Variants in PRRT3 observed in about 807,000 individuals in gnomAD.
PRRT3 encodes the protein proline-rich transmembrane protein 3.
In PRRT3, 48 loss-of-function variants were observed where a neutral mutation model predicts 56.6. The ratio of observed to expected loss-of-function variants is 0.85; its 90% CI spans 0.67 to 1.08. PRRT3 has a LOEUF of 1.08. Among genes scored for constraint, PRRT3 ranks in the 50% least tolerant of loss-of-function variants. The pLI, the probability that PRRT3 is intolerant of heterozygous loss-of-function variation, is 0.00. For synonymous variants in PRRT3, 641 were observed against 619.1 expected, an observed-to-expected ratio of 1.04 and a Z score of -0.52; for missense variants, 1,370 against 1,353.1, an observed-to-expected ratio of 1.01 and a Z score of -0.20.
chr3:9,948,010 A>T lies in PRRT3; in HGVS notation c.1172-9T>A, dbSNP rs776442932. ...CCACTCCTCGGCTTCATCTGCAATT[A>T]TAACAATATTAAAATAGCCATTTGA... On this transcript the variant is annotated splice_polypyrimidine_tract_variant and intron_variant, in intron 3 of 3. Coordinates refer to ENST00000412055, the MANE Select transcript of PRRT3 (RefSeq NM_207351.5). 2 of 1,320,550 alleles carry T rather than the reference A, an allele frequency of 1.5e-6. No homozygotes were observed. Among genetic ancestry groups the T allele is most frequent in the South Asian group, 2.6e-5 (1 of 38,910 alleles). 81.8% of individuals were successfully genotyped at this position (1,320,550 alleles called of 1,614,324 possible).
In PRRT3 at chr3:9,946,793, C is replaced by A; in HGVS notation, c.2380G>T (p.Gly794Ter). The change falls in exon 4 of 4, where the codon GGA (glycine) becomes TGA (stop). Residue 794 changes from glycine (G) to a stop codon, truncating the protein, a stop_gained. Coordinates refer to ENST00000412055, the MANE Select transcript of PRRT3 (RefSeq NM_207351.5). LOFTEE classifies it high-confidence loss of function. The surrounding 1 kb of genome is among the most constrained non-coding windows in gnomAD (Gnocchi z 4.1). ...AGCTCGCTCAGCGATGGCGCCGGTCCCACACCGTTGCGGGACAGTCCCGGG... is the reference window on the plus strand; with the variant it reads ...AGCTCGCTCAGCGATGGCGCCGGTCACACACCGTTGCGGGACAGTCCCGGG... ...GGPGLSRNGV[G>*]PAPSLSELDL... is the part of the protein sequence containing the mutation. 6.4e-7 allele frequency: 1 copy of A among 1,553,522 alleles called. No homozygotes were observed. Among genetic ancestry groups the A allele is most frequent in the East Asian group, 2.3e-5 (1 of 42,922 alleles).
rs2085546951 is a variant in PRRT3, at chr3:9,947,500, AG to A, written c.1672del (p.Leu558SerfsTer26). ...TGGCGGCAGCCCCGCGCCCAGGCCG[AG>A]CAGAGTCAGGGCTGCCAGCGCCGTA... ...LLTALAALTL[L>X]GLGAGLPPPL... On this transcript the variant is annotated frameshift_variant, in exon 4 of 4. Coordinates refer to ENST00000412055, the MANE Select transcript of PRRT3 (RefSeq NM_207351.5). LOFTEE classifies it high-confidence loss of function. This position sits in a 1 kb window ranked among gnomAD's most constrained non-coding sequence, Gnocchi z 9.2. 1 of 1,612,086 alleles carries A rather than the reference AG, an allele frequency of 6.2e-7. No individual in the cohort carries two copies. The highest frequency in any genetic ancestry group is 1.3e-5 in the African/African-American group (1 of 75,006).
At position 9,949,201 on chromosome 3, in the gene PRRT3, G is replaced by C; in HGVS notation, c.915C>G (p.Pro305=). The part of the protein sequence containing the change: ...EVSWEVSSPG[P]PPKQADLPDA... ...CAGGAAGGTCAGCCTGCTTGGGCGG[G>C]GGACCTGGGGAGCTGACTTCCCAGG... The change falls in exon 2 of 4, where the codon CCC becomes CCG. Residue 305 remains proline, a synonymous_variant. Transcript: ENST00000412055. The surrounding 1 kb of genome is among the most constrained non-coding windows in gnomAD (Gnocchi z 4.5). 6.2e-7 allele frequency: 1 copy of C among 1,609,438 alleles called. No homozygotes were observed.
Position 9,949,826 on chromosome 3 carries a change from TACAGG to T in PRRT3, c.285_289del (p.Leu96ArgfsTer17), listed in dbSNP as rs776657760. 2 of 1,614,040 alleles carry T rather than the reference TACAGG, an allele frequency of 1.2e-6. No individual in the cohort carries two copies. Among genetic ancestry groups the T allele is most frequent in the African/African-American group, 2.7e-5 (2 of 75,022 alleles). Reference sequence around the variant, plus strand: ...AGCTCCTTGTGCTGCTTTGGGCCCGTACAGGGCTGGGCCAAGGGGAGAGGCTACAG... The same window carrying T: ...AGCTCCTTGTGCTGCTTTGGGCCCGTGCTGGGCCAAGGGGAGAGGCTACAG... On this transcript the variant is annotated frameshift_variant, in exon 2 of 4. Transcript: ENST00000412055. LOFTEE classifies it high-confidence loss of function. This position sits in a 1 kb window ranked among gnomAD's most constrained non-coding sequence, Gnocchi z 4.5.
Position 9,949,026 on chromosome 3 carries a change from A to C in PRRT3, c.1015+75T>G. 2 of 1,520,038 alleles carry C rather than the reference A, an allele frequency of 1.3e-6. No individual in the cohort carries two copies. Among genetic ancestry groups the C allele is most frequent in the Non-Finnish European group, 8.8e-7 (1 of 1,138,940 alleles). 94.2% of individuals were successfully genotyped at this position (1,520,038 alleles called of 1,614,324 possible). A position where few individuals can be genotyped will look rare whatever the true frequency, so the allele number is the denominator to read the frequency against. Reference sequence around the variant, plus strand: ...CCACAAAGAGGAAAATGAGACCTAGAGGGACCCAGGGTCAAACAGAATTGA... The same window carrying C: ...CCACAAAGAGGAAAATGAGACCTAGCGGGACCCAGGGTCAAACAGAATTGA... On this transcript the variant is annotated intron_variant, in intron 2 of 3. Coordinates refer to ENST00000412055, the MANE Select transcript of PRRT3 (RefSeq NM_207351.5). This position sits in a 1 kb window ranked among gnomAD's most constrained non-coding sequence, Gnocchi z 4.5.
chr3:9,946,522 A>G lies in PRRT3; in HGVS notation c.2651T>C (p.Val884Ala). 6.7e-7 allele frequency: 1 copy of G among 1,492,198 alleles called. No individual in the cohort carries two copies. The highest frequency in any genetic ancestry group is 8.9e-7 in the Non-Finnish European group (1 of 1,119,244). The allele number at this position is 1,492,198 out of a possible 1,614,324, so 92.4% of individuals were successfully genotyped here. Residue 884 changes from valine (V) to alanine (A), a missense_variant, in exon 4 of 4, where the codon GTC becomes GCC. Transcript: ENST00000412055. This position sits in a 1 kb window ranked among gnomAD's most constrained non-coding sequence, Gnocchi z 4.1. Reference protein sequence around the residue: ...SLSDVRVRGPVPQHVVEAPDG... With the variant: ...SLSDVRVRGPAPQHVVEAPDG... ...GGGTGCTTCCACTACGTGCTGTGGG[A>G]CCGGCCCGCGCACGCGCACGTCGCT...
In PRRT3 at chr3:9,946,349, G is replaced by A. The variant is rs2085519521; in HGVS notation, c.2824C>T (p.Pro942Ser). The A allele has an allele frequency of 1.9e-6, 3 of 1,611,884 alleles. No homozygotes were observed. The highest frequency in any genetic ancestry group is 2.5e-6 in the Non-Finnish European group (3 of 1,179,336). Residue 942 changes from proline to serine, a missense_variant, in exon 4 of 4, where the codon CCT (proline) becomes TCT (serine). Physicochemically the swap from Pro to Ser is moderately conservative, Grantham distance 74. Transcript: ENST00000412055. The surrounding 1 kb of genome is among the most constrained non-coding windows in gnomAD (Gnocchi z 4.1). ...DELPSTVQLL[P>S]APTPAPDSTA... ...GAATCAGGGGCTGGGGTCGGGGCAG[G>A]CAGTAGCTGTACCGTGCTGGGCAAC... is the stretch of plus-strand genomic sequence containing the variant.
rs745469618 is a variant in PRRT3, at chr3:9,947,887, C to A, written c.1286G>T (p.Gly429Val). 6 of 1,427,250 alleles carry A rather than the reference C, an allele frequency of 4.2e-6. No individual in the cohort carries two copies. The highest frequency in any genetic ancestry group is 4.6e-6 in the Non-Finnish European group (5 of 1,092,064). 88.4% of individuals were successfully genotyped at this position (1,427,250 alleles called of 1,614,324 possible). The change falls in exon 4 of 4, where the codon GGC becomes GTC. Residue 429 changes from glycine to valine, a missense_variant. Coordinates refer to ENST00000412055, the MANE Select transcript of PRRT3 (RefSeq NM_207351.5). This position sits in a 1 kb window ranked among gnomAD's most constrained non-coding sequence, Gnocchi z 9.2. Reference protein sequence around the residue: ...LIRVTTQRALGQPPPPEPTAS... With the variant: ...LIRVTTQRALVQPPPPEPTAS... The stretch of plus-strand genomic sequence containing the variant: ...GGTGGGCTCCGGAGGGGGAGGCTGG[C>A]CCAGGGCTCGCTGCGTGGTGACTCG...
rs1261602457 is a variant in PRRT3, at chr3:9,946,324, G to A, written c.2849C>T (p.Ser950Phe). The A allele has an allele frequency of 6.2e-7, 1 of 1,612,596 alleles. No homozygotes were observed. The highest frequency in any genetic ancestry group is 1.7e-5 in the Admixed American group (1 of 59,902). The change falls in exon 4 of 4, where the codon TCT becomes TTT. Residue 950 changes from serine to phenylalanine, a missense_variant. Coordinates refer to ENST00000412055, the MANE Select transcript of PRRT3 (RefSeq NM_207351.5). This position sits in a 1 kb window ranked among gnomAD's most constrained non-coding sequence, Gnocchi z 4.1. ...LLPAPTPAPD[S>F]TAARQGDGQG... is the part of the protein sequence containing the mutation. ...GCCGTCCCCCTGCCGAGCGGCGGTA[G>A]AATCAGGGGCTGGGGTCGGGGCAGG...
In PRRT3 at chr3:9,946,991, C is replaced by G; in HGVS notation, c.2182G>C (p.Glu728Gln). 1 of 1,543,344 alleles carries G rather than the reference C, an allele frequency of 6.5e-7. No homozygotes were observed. The highest frequency in any genetic ancestry group is 8.7e-7 in the Non-Finnish European group (1 of 1,149,264). ...LACPAPSGKS[E>Q]VPERPNNCYA... ...CAGTTATTGGGTCGCTCCGGCACCT[C>G]GCTCTTTCCTGACGGCGCCGGGCAC... is the stretch of plus-strand genomic sequence containing the variant. The change falls in exon 4 of 4, where the codon GAG becomes CAG. Residue 728 changes from glutamate (E) to glutamine (Q), a missense_variant. Transcript: ENST00000412055. This position sits in a 1 kb window ranked among gnomAD's most constrained non-coding sequence, Gnocchi z 4.1.
Position 9,948,790 on chromosome 3 carries a change from C to T in PRRT3, c.1139G>A (p.Arg380Gln), listed in dbSNP as rs777839822. ...GPSDPGPAVNRTESPMGALQP... is the reference protein window; with the variant it reads ...GPSDPGPAVNQTESPMGALQP... ...CAGGGCCCCCATGGGGCTCTCTGTT[C>T]GGTTTACAGCTGGGCCAGGGTCTGA... Residue 380 changes from arginine (R) to glutamine (Q), a missense_variant, in exon 3 of 4, where the codon CGA (arginine) becomes CAA (glutamine). Arg to Gln is a conservative substitution (Grantham distance 43). Coordinates refer to ENST00000412055, the MANE Select transcript of PRRT3 (RefSeq NM_207351.5). 62 of 1,613,842 alleles carry T rather than the reference C, an allele frequency of 3.8e-5. No homozygotes were observed. Among genetic ancestry groups the T allele is most frequent in the Non-Finnish European group, 5.1e-5 (60 of 1,179,974 alleles).
rs756973175 is a variant in PRRT3, at chr3:9,949,651, G to T, written c.465C>A (p.Ile155=). Reference sequence around the variant, plus strand: ...TGAGTTGACGTCTGGGAGTTGTGGGGATGAAAGTGAGATGAGGGTGGCCCA... The same window carrying T: ...TGAGTTGACGTCTGGGAGTTGTGGGTATGAAAGTGAGATGAGGGTGGCCCA... The part of the protein sequence containing the change: ...HPVGHPHLTF[I]PTTPRRQLRV... The change falls in exon 2 of 4, where the codon ATC becomes ATA. Residue 155 remains isoleucine (I), a synonymous_variant. Transcript: ENST00000412055. This position sits in a 1 kb window ranked among gnomAD's most constrained non-coding sequence, Gnocchi z 4.5. 2 of 1,614,180 alleles carry T rather than the reference G, an allele frequency of 1.2e-6. No individual in the cohort carries two copies. Among genetic ancestry groups the T allele is most frequent in the South Asian group, 2.2e-5 (2 of 91,078 alleles).
Position 9,947,502 on chromosome 3 carries a change from C to T in PRRT3, c.1671G>A (p.Leu557=), listed in dbSNP as rs1575660308. The change falls in exon 4 of 4, where the codon CTG becomes CTA. Residue 557 remains leucine, a synonymous_variant. Transcript: ENST00000412055. This position sits in a 1 kb window ranked among gnomAD's most constrained non-coding sequence, Gnocchi z 9.2. ...GCGGCAGCCCCGCGCCCAGGCCGAG[C>T]AGAGTCAGGGCTGCCAGCGCCGTAA... ...LLLTALAALT[L]LGLGAGLPPP... The T allele has an allele frequency of 2.5e-6, 4 of 1,612,108 alleles. No homozygotes were observed. The highest frequency in any genetic ancestry group is 3.4e-6 in the Non-Finnish European group (4 of 1,179,616).
In PRRT3 at chr3:9,946,860, G is replaced by C; in HGVS notation, c.2313C>G (p.Ala771=). 1 of 1,539,592 alleles carries C rather than the reference G, an allele frequency of 6.5e-7. No homozygotes were observed. The highest frequency in any genetic ancestry group is 1.4e-5 in the African/African-American group (1 of 73,490). The change falls in exon 4 of 4, where the codon GCC becomes GCG. Residue 771 remains alanine (A), a synonymous_variant. Transcript: ENST00000412055. The surrounding 1 kb of genome is among the most constrained non-coding windows in gnomAD (Gnocchi z 4.1). ...GACCCAACGACGCAGCCGAGCCCCAGGCGCCTGAACTGGGCGTGGCCAGCT... is the reference window on the plus strand; with the variant it reads ...GACCCAACGACGCAGCCGAGCCCCACGCGCCTGAACTGGGCGTGGCCAGCT... The part of the protein sequence containing the change: ...SGQLATPSSG[A]WGSAASLGRG...
In PRRT3 at chr3:9,949,673, C is replaced by T. The variant is rs373108730; in HGVS notation, c.443G>A (p.Gly148Asp). The T allele has an allele frequency of 4.2e-5, 67 of 1,613,952 alleles. 1 individual carries two copies. The highest frequency in any genetic ancestry group is 1.3e-5 in the African/African-American group (1 of 74,912). The change falls in exon 2 of 4, where the codon GGC (glycine) becomes GAC (aspartate). Residue 148 changes from glycine to aspartate, a missense_variant. Gly to Asp is a moderately conservative substitution (Grantham distance 94). Coordinates refer to ENST00000412055, the MANE Select transcript of PRRT3 (RefSeq NM_207351.5). The surrounding 1 kb of genome is among the most constrained non-coding windows in gnomAD (Gnocchi z 4.5). ...GGGGATGAAAGTGAGATGAGGGTGG[C>T]CCACTGGGTGGGGAGCCACTGCTTC... is the stretch of plus-strand genomic sequence containing the variant. ...QQEAVAPHPV[G>D]HPHLTFIPTT...
rs372155025 is a variant in PRRT3 at position 9,947,017 on chromosome 3, G to A, written c.2156C>T (p.Ala719Val). The change falls in exon 4 of 4, where the codon GCG (alanine) becomes GTG (valine). Residue 719 changes from alanine (A) to valine (V), a missense_variant. Physicochemically the swap from Ala to Val is moderately conservative, Grantham distance 64. Transcript: ENST00000412055. The surrounding 1 kb of genome is among the most constrained non-coding windows in gnomAD (Gnocchi z 9.2). ...HACWAKLMRLACPAPSGKSEV... is the reference protein window; with the variant it reads ...HACWAKLMRLVCPAPSGKSEV... ...GCTCTTTCCTGACGGCGCCGGGCAC[G>A]CCAGACGCATCAGCTTAGCCCAGCA... 1.5e-5 allele frequency: 23 copies of A among 1,540,868 alleles called. No homozygotes were observed. The Admixed American group carries it at 3.9e-4, about 26-fold the overall frequency.
At position 9,946,378 on chromosome 3, in the gene PRRT3, TC is replaced by T; in HGVS notation, c.2794del (p.Asp932MetfsTer55). ...TAGCTGTACCGTGCTGGGCAACTCA[TC>T]TAGGGGCAGACTGTCCACTGATGAC... The part of the protein sequence containing the change: ...GLSSVDSLPL[D>X]ELPSTVQLLP... On this transcript the variant is annotated frameshift_variant, in exon 4 of 4. Coordinates refer to ENST00000412055, the MANE Select transcript of PRRT3 (RefSeq NM_207351.5). LOFTEE classifies it low-confidence loss of function (END_TRUNC). This position sits in a 1 kb window ranked among gnomAD's most constrained non-coding sequence, Gnocchi z 4.1. The T allele has an allele frequency of 6.2e-7, 1 of 1,608,794 alleles. No individual in the cohort carries two copies. Among genetic ancestry groups the T allele is most frequent in the South Asian group, 1.1e-5 (1 of 90,634 alleles).
chr3:9,947,814 G>A lies in PRRT3; in HGVS notation c.1359C>T (p.Ala453=). 6.9e-7 allele frequency: 1 copy of A among 1,445,962 alleles called. No homozygotes were observed. Among genetic ancestry groups the A allele is most frequent in the South Asian group, 1.5e-5 (1 of 67,416 alleles). The allele number at this position is 1,445,962 out of a possible 1,614,324, so 89.6% of individuals were successfully genotyped here. The stretch of plus-strand genomic sequence containing the variant: ...GGCCCCAGCGTAGCGGGGGTGCAGT[G>A]GCGTTGGCTGGGGGGCTGGAGGCTG... The part of the protein sequence containing the change: ...SAPASSPPAN[A]TAPPLRWGPL... Residue 453 remains alanine, a synonymous_variant, in exon 4 of 4, where the codon GCC becomes GCT. Transcript: ENST00000412055. This position sits in a 1 kb window ranked among gnomAD's most constrained non-coding sequence, Gnocchi z 9.2.
Position 9,946,301 on chromosome 3 carries a change from C to A in PRRT3, c.2872G>T (p.Gly958Cys). Reference protein sequence around the residue: ...PDSTAARQGDGQGEVQPRGKP... With the variant: ...PDSTAARQGDCQGEVQPRGKP... ...CCGCGCGGCTGGACCTCTCCCTGGC[C>A]GTCCCCCTGCCGAGCGGCGGTAGAA... The change falls in exon 4 of 4, where the codon GGC (glycine) becomes TGC (cysteine). Residue 958 changes from glycine (G) to cysteine (C), a missense_variant. Gly to Cys is a radical substitution (Grantham distance 159, BLOSUM62 -3). Coordinates refer to ENST00000412055, the MANE Select transcript of PRRT3 (RefSeq NM_207351.5). This position sits in a 1 kb window ranked among gnomAD's most constrained non-coding sequence, Gnocchi z 4.1. 2 of 1,612,714 alleles carry A rather than the reference C, an allele frequency of 1.2e-6. No homozygotes were observed. The highest frequency in any genetic ancestry group is 1.7e-6 in the Non-Finnish European group (2 of 1,179,844).
Sources: allele counts gnomAD v4.1 joint callset, GRCh38; gene constraint gnomAD v4.1.1; non-coding constraint Gnocchi (gnomAD v3.1); transcripts MANE v1.5; gene names NCBI Gene and HGNC (gene_info 2026-07-23, HGNC 2026-07-21).